ASZ1: variants seen among roughly 807,000 people sequenced by gnomAD.
ASZ1 encodes the protein ankyrin repeat, SAM and basic leucine zipper domain containing 1, also known as ankyrin repeat, SAM and basic leucine zipper domain-containing protein 1.
A neutral mutation model predicts 61.8 loss-of-function variants in ASZ1; 67 were observed. That is an observed-to-expected ratio of 1.08 (90% CI 0.89 to 1.33). The LOEUF (loss-of-function observed/expected upper bound fraction) is 1.33. ASZ1 is among the 40% of genes most tolerant of loss of function. The pLI, the probability that ASZ1 is intolerant of heterozygous loss-of-function variation, is 0.00. For missense variants in ASZ1, 577 were observed against 554.5 expected (o/e 1.04, Z -0.41); for synonymous variants, 193 against 192.7 (o/e 1.00, Z -0.01).
At chr7:117,392,629 T>C (rs1447446935) in intron 4 of ASZ1, among the ~76,000 whole-genome samples, 1 of 152,108 alleles carries the variant, frequency 6.6e-6, no homozygotes, top group Non-Finnish European at 1.5e-5. Context: ...TATAGAATAA[T>C]ACAATAAGCA....
intron 4 of ASZ1, among the ~76,000 whole-genome samples, chr7:117,404,890 G>T (rs148441235): frequency 6.6e-6 from 1 of 152,186 alleles, no homozygotes; most frequent in East Asian, 1.9e-4. Context: ...CTCGAATCTA[G>T]AGAGTATAGT....
intron 4 of ASZ1, among the ~76,000 whole-genome samples, chr7:117,394,436 G>C (rs556638717): frequency 3.3e-5 from 5 of 152,232 alleles, no homozygotes; most frequent in Admixed American, 1.3e-4. Context: ...CTCTTCTGTA[G>C]TTAACTTTTA....
At position 117,410,651 on chromosome 7, in the gene ASZ1, A is replaced by G. The variant is rs531741807; in HGVS notation, c.440+9512T>C. On this transcript the variant is annotated intron_variant, in intron 4 of 12. Coordinates refer to ENST00000284629, the MANE Select transcript of ASZ1 (RefSeq NM_130768.3). Reference sequence around the variant, plus strand: ...ACTAAAGTTAGACAATTTATAAACAATAAATTATAAACTCATACACTAGTT... The same window carrying G: ...ACTAAAGTTAGACAATTTATAAACAGTAAATTATAAACTCATACACTAGTT... 1.6e-4 allele frequency among the ~76,000 whole-genome samples: 25 copies of G among 151,700 alleles called. 1 individual carries two copies. In the East Asian group the frequency reaches 4.6e-3, roughly 28 times the overall value.
At chr7:117,370,042 T>G (rs1584716406) in intron 10 of ASZ1, among the ~76,000 whole-genome samples, 1 of 152,194 alleles carries the variant, frequency 6.6e-6, no homozygotes, top group South Asian at 2.1e-4. Flanking sequence ...ACTGCAATGG[T>G]GAGGAGACAT....
At chr7:117,369,749 C>G (rs1796013813) in intron 10 of ASZ1, among the ~76,000 whole-genome samples, 2 of 152,052 alleles carry the variant, frequency 1.3e-5, no homozygotes, top group African/African-American at 4.8e-5. Flanking sequence ...TGCTGCCAAG[C>G]AAGGAATTGA....
At chr7:117,393,266 A>G (rs2116487993) in intron 4 of ASZ1, among the ~76,000 whole-genome samples, 1 of 152,282 alleles carries the variant, frequency 6.6e-6, no homozygotes, top group Non-Finnish European at 1.5e-5. Context: ...GTAAATATCA[A>G]TTAGATACTC....
intron 3 of ASZ1, 150 bp downstream of exon 3, chr7:117,422,087 T>C: frequency 1.3e-6 from 1 of 799,740 alleles, no homozygotes; most frequent in Non-Finnish European, 1.8e-6. Flanking sequence ...ATGTATGGTT[T>C]CTAATTTGAT....
In ASZ1 at chr7:117,398,247, C is replaced by T. The variant is rs149417850; in HGVS notation, c.441-12438G>A. On this transcript the variant is annotated intron_variant, in intron 4 of 12. Coordinates refer to ENST00000284629, the MANE Select transcript of ASZ1 (RefSeq NM_130768.3). ...GCATTTTGCTCAACTCTGTTCAACA[C>T]GCCAAGAACCTGGATGTCTCACGCT... Among the ~76,000 whole-genome samples, 191 of 152,268 alleles carry T rather than the reference C, an allele frequency of 1.3e-3. 1 individual carries two copies. Among genetic ancestry groups the T allele is most frequent in the African/African-American group, 4.5e-3 (188 of 41,554 alleles).
At chr7:117,418,495 A>T (rs1197405970) in intron 4 of ASZ1, among the ~76,000 whole-genome samples, 1 of 152,046 alleles carries the variant, frequency 6.6e-6, no homozygotes, top group Non-Finnish European at 1.5e-5. Context: ...TCTACTAAAA[A>T]TACAAAAATC....
intron 4 of ASZ1, among the ~76,000 whole-genome samples, chr7:117,414,292 T>C (rs1796948561): frequency 1.3e-5 from 2 of 152,228 alleles, no homozygotes; most frequent in Non-Finnish European, 2.9e-5. Flanking sequence ...AGAAGAAATG[T>C]TGGAAGAAGC....
At chr7:117,423,687 T>TAAAA (rs1413276323) in intron 2 of ASZ1, among the ~76,000 whole-genome samples, 3 of 37,234 alleles carry the variant, frequency 8.1e-5, no homozygotes, top group African/African-American at 2.4e-4. Flanking sequence ...CTACTAAAAA[T>TAAAA]ACAAAAAAAA....
intron 4 of ASZ1, among the ~76,000 whole-genome samples, chr7:117,388,934 C>T (rs1022111040): frequency 6.6e-6 from 1 of 152,090 alleles, no homozygotes. Flanking sequence ...GGCAAGGTTA[C>T]AGCATTCAAG....
chr7:117,383,085 A>G lies in ASZ1; in HGVS notation c.713T>C (p.Leu238Ser), dbSNP rs746546676. The stretch of plus-strand genomic sequence containing the variant: ...TTGAAGTTTTCCTTCCAATGGATTT[A>G]AAGTAAAAGAAAGTAAGTTGAAGAT... ...HEIFNLLSFT[L>S]NPLEGKLQQL... The change falls in exon 7 of 13, where the codon TTA becomes TCA. Residue 238 changes from leucine (L) to serine (S), a missense_variant. Transcript: ENST00000284629. 101 of 1,566,414 alleles carry G rather than the reference A, an allele frequency of 6.4e-5. 1 individual carries two copies. The South Asian group carries it at 1.1e-3, about 17-fold the overall frequency.
chr7:117,374,833 A>G (rs1796108557), intron 10 of ASZ1, among the ~76,000 whole-genome samples: 1 of 152,088 alleles, frequency 6.6e-6, no homozygotes, highest in African/African-American at 2.4e-5. Context: ...CTGTACAGGC[A>G]TTATTCCTAT....
chr7:117,417,463 G>T (rs753833483), intron 4 of ASZ1, among the ~76,000 whole-genome samples: 1 of 152,132 alleles, frequency 6.6e-6, no homozygotes. Flanking sequence ...CTTTTTACAG[G>T]AATCTAAAGC....
chr7:117,383,183 A>G (rs10278953), intron 6 of ASZ1, 73 bp from the exon 7 acceptor site: 345,241 of 1,339,712 alleles, frequency 0.26, 46,900 homozygotes, highest in African/African-American at 0.29. Context: ...GAAACTGAAC[A>G]TACGATTATC....
At chr7:117,420,559 TTGTC>T (rs1797082505) in intron 3 of ASZ1, among the ~76,000 whole-genome samples, 1 of 152,228 alleles carries the variant, frequency 6.6e-6, no homozygotes, top group Non-Finnish European at 1.5e-5. Flanking sequence ...CACAGCCACA[TTGTC>T]TGGATTTGAA....
At chr7:117,372,645 T>TAAAGGTATTTATAAGC (rs140777138) in intron 10 of ASZ1, among the ~76,000 whole-genome samples, 1 of 152,202 alleles carries the variant, frequency 6.6e-6, no homozygotes, top group Admixed American at 6.6e-5. Context: ...ACACTTTAAA[T>TAAAGGTATTTATAAGC]AAAGGTATTT....
At chr7:117,365,227 A>G (rs542069576) in intron 12 of ASZ1, among the ~76,000 whole-genome samples, 1 of 152,332 alleles carries the variant, frequency 6.6e-6, no homozygotes, top group African/African-American at 2.4e-5. Flanking sequence ...TGCCATTATT[A>G]TAAACTAATA....
Sources: allele counts gnomAD v4.1 joint callset (sites outside exome capture counted in the v4.1 genomes callset), GRCh38; gene constraint gnomAD v4.1.1; transcripts MANE v1.5; gene names NCBI Gene and HGNC (gene_info 2026-07-23, HGNC 2026-07-21).